The following TRAPPC8 variants were observed in gnomAD, a reference collection of about 807,000 sequenced individuals.
The protein encoded by TRAPPC8 is trafficking protein particle complex subunit 8, also known as general sporulation gene 1 homolog.
Under a neutral mutation model 174.3 loss-of-function variants are expected in TRAPPC8, and 54 were observed. The ratio of observed to expected loss-of-function variants is 0.31; its 90% CI spans 0.25 to 0.39. The LOEUF is 0.39. Among genes scored for constraint, TRAPPC8 ranks in the 10% least tolerant of loss-of-function variants. The pLI is 1.00. For missense variants in TRAPPC8, 1,531 were observed against 1,699.1 expected (o/e 0.90, Z 1.74); for synonymous variants, 630 against 579.9 (o/e 1.09, Z -1.24).
intron 24 of TRAPPC8, 118 bp downstream of exon 24, chr18:31,852,328 C>A (rs749075455): frequency 1.8e-6 from 2 of 1,113,146 alleles, no homozygotes; most frequent in Non-Finnish European, 2.6e-6. Context: ...CAGAGCAAGA[C>A]CTTGTCTCCC....
At chr18:31,900,677 T>C (rs2036381699) in intron 10 of TRAPPC8, among the ~76,000 whole-genome samples, 1 of 152,202 alleles carries the variant, frequency 6.6e-6, no homozygotes, top group Admixed American at 6.5e-5. Flanking sequence ...AAGCTAGAAA[T>C]GTCCCCACAA....
chr18:31,864,932 T>C, intron 18 of TRAPPC8, 151 bp from the exon 19 acceptor site: 4 of 740,978 alleles, frequency 5.4e-6, no homozygotes, highest in Non-Finnish European at 8.4e-6. Flanking sequence ...GAATTTAGTA[T>C]ATTTTCATTC....
intron 12 of TRAPPC8, among the ~76,000 whole-genome samples, chr18:31,878,899 T>A (rs770545589): frequency 1.3e-5 from 2 of 152,084 alleles, no homozygotes; most frequent in African/African-American, 2.4e-5. Context: ...TATATAATGA[T>A]AAAGAGTTCA....
intron 2 of TRAPPC8, among the ~76,000 whole-genome samples, chr18:31,928,366 C>G (rs946707495): frequency 3.4e-5 from 5 of 145,390 alleles, no homozygotes; most frequent in Middle Eastern, 3.3e-3. Context: ...CACACACACA[C>G]AGATTTTAAT....
At chr18:31,876,617 G>T (rs1598650492) in intron 12 of TRAPPC8, among the ~76,000 whole-genome samples, 1 of 151,832 alleles carries the variant, frequency 6.6e-6, no homozygotes, top group South Asian at 2.1e-4. Context: ...GCCAGGATAT[G>T]ATGAAGAACC....
chr18:31,832,019 T>C, intron 28 of TRAPPC8, 65 bp downstream of exon 28: 1 of 1,094,648 alleles, frequency 9.1e-7, no homozygotes, highest in Non-Finnish European at 1.3e-6. Context: ...AGGTAATTAT[T>C]TGCATAATTT....
At chr18:31,925,542 A>C (rs1049327844) in intron 2 of TRAPPC8, among the ~76,000 whole-genome samples, 3 of 152,188 alleles carry the variant, frequency 2.0e-5, no homozygotes, top group African/African-American at 4.8e-5. Context: ...CATCCAACTA[A>C]CAGTAGTTTC....
At chr18:31,874,055 T>C (rs1260179043) in intron 13 of TRAPPC8, 2 of 203,666 alleles carry the variant, frequency 9.8e-6, no homozygotes, top group African/African-American at 2.3e-5. Flanking sequence ...TGCACCATAA[T>C]AGCCTGTCTA....
rs1357786937 is a variant in TRAPPC8, at chr18:31,909,276, T to A, written c.866-266A>T. ...GAGAAAAATACTTTATTTTAAATAA[T>A]ATAAAGAATGACTTTTAAATAGTAC... On this transcript the variant is annotated intron_variant, in intron 6 of 28. Transcript: ENST00000283351. Among the ~76,000 whole-genome samples the A allele has an allele frequency of 4.6e-5, 7 of 151,896 alleles. No homozygotes were observed. The East Asian group carries it at 1.3e-3, about 29-fold the overall frequency.
chr18:31,857,030 G>A (rs1021908894), intron 20 of TRAPPC8, among the ~76,000 whole-genome samples: 1 of 152,080 alleles, frequency 6.6e-6, no homozygotes, highest in Non-Finnish European at 1.5e-5. Context: ...TCCTGGATGA[G>A]CCAGTTAGCT....
At chr18:31,895,040 T>G (rs1162817134) in intron 11 of TRAPPC8, among the ~76,000 whole-genome samples, 1 of 152,114 alleles carries the variant, frequency 6.6e-6, no homozygotes, top group Non-Finnish European at 1.5e-5. Context: ...TCCCAGGGCA[T>G]AAAACAAAAA....
intron 12 of TRAPPC8, among the ~76,000 whole-genome samples, chr18:31,888,667 A>G (rs1178130761): frequency 6.6e-6 from 1 of 152,236 alleles, no homozygotes; most frequent in Non-Finnish European, 1.5e-5. Flanking sequence ...TAACACAGGA[A>G]GAGAAAACTG....
rs766930655 is a variant in TRAPPC8, at chr18:31,907,544, A to G, written c.1305T>C (p.His435=). 1.2e-6 allele frequency: 2 copies of G among 1,611,562 alleles called. No homozygotes were observed. Among genetic ancestry groups the G allele is most frequent in the Admixed American group, 3.3e-5 (2 of 59,906 alleles). Reference sequence around the variant, plus strand: ...GATAGCAACTGTAAGCCAAATCATAATGCTGCACCAAAAAACATAAGTCAG... The same window carrying G: ...GATAGCAACTGTAAGCCAAATCATAGTGCTGCACCAAAAAACATAAGTCAG... The part of the protein sequence containing the change: ...KMADLCFLVQ[H]YDLAYSCYHT... Residue 435 remains histidine, a synonymous_variant, in exon 9 of 29, where the codon CAT becomes CAC. Coordinates refer to ENST00000283351, the MANE Select transcript of TRAPPC8 (RefSeq NM_014939.5).
At chr18:31,902,906 G>A (rs2036497573) in intron 9 of TRAPPC8, among the ~76,000 whole-genome samples, 1 of 152,036 alleles carries the variant, frequency 6.6e-6, no homozygotes, top group South Asian at 2.1e-4. Flanking sequence ...AAAATTAGCT[G>A]GGCAAGGTGG....
At chr18:31,863,836 T>G (rs148684872) in intron 19 of TRAPPC8, among the ~76,000 whole-genome samples, 34 of 152,096 alleles carry the variant, frequency 2.2e-4, no homozygotes, top group African/African-American at 7.9e-4. Flanking sequence ...AACTTGAAAT[T>G]TGAAGTGGCT....
At chr18:31,886,179 T>C (rs2035703221) in intron 12 of TRAPPC8, among the ~76,000 whole-genome samples, 1 of 151,396 alleles carries the variant, frequency 6.6e-6, no homozygotes, top group Non-Finnish European at 1.5e-5. Context: ...CTAATTTTTT[T>C]CGTATTTTTA....
chr18:31,880,124 T>A (rs1278467417), intron 12 of TRAPPC8, among the ~76,000 whole-genome samples: 4,879 of 79,654 alleles, frequency 0.061, 109 homozygotes, highest in South Asian at 0.13. Context: ...TATATATATT[T>A]TTTTTTTTTT....
At chr18:31,849,907 C>T (rs2033619186) in intron 24 of TRAPPC8, among the ~76,000 whole-genome samples, 168 bp from the exon 25 acceptor site, 1 of 151,988 alleles carries the variant, frequency 6.6e-6, no homozygotes, top group African/African-American at 2.4e-5. Context: ...TAGTTGAATA[C>T]AGGGAGGCCA....
chr18:31,830,658 A>G lies in TRAPPC8; in HGVS notation c.*97T>C, dbSNP rs1301662095. The stretch of plus-strand genomic sequence containing the variant: ...AGTATTTTGCAGGGATCAGATATCA[A>G]TCAACCTCCATAACAAGTTAGGTAT... On this transcript the variant is annotated 3_prime_UTR_variant, in exon 29 of 29. Coordinates refer to ENST00000283351, the MANE Select transcript of TRAPPC8 (RefSeq NM_014939.5). The G allele has an allele frequency of 2.9e-6, 3 of 1,039,078 alleles. No individual in the cohort carries two copies. The highest frequency in any genetic ancestry group is 4.2e-6 in the Non-Finnish European group (3 of 719,090). 64.4% of individuals were successfully genotyped at this position (1,039,078 alleles called of 1,614,324 possible).
Sources: gnomAD v4.1 joint callset for allele counts (sites outside exome capture counted in the v4.1 genomes callset) on GRCh38, gnomAD v4.1.1 for gene constraint, MANE v1.5 for transcripts, NCBI Gene and HGNC (gene_info 2026-07-23, HGNC 2026-07-21) for gene names.